TMEM237: variants seen among roughly 807,000 people sequenced by gnomAD.
TMEM237 encodes amyotrophic lateral sclerosis 2 (juvenile) chromosome region, candidate 4.
Under a neutral mutation model 59.1 loss-of-function variants are expected in TMEM237, and 51 were observed. The observed-to-expected ratio is 0.86, with a 90% CI of 0.69 to 1.09. TMEM237 has a LOEUF of 1.09. Among genes scored for constraint, TMEM237 ranks in the 50% least tolerant of loss-of-function variants. The pLI is 0.00. For missense variants in TMEM237, 475 were observed against 478.3 expected (o/e 0.99, Z 0.06); for synonymous variants, 140 against 166.1 (o/e 0.84, Z 1.21).
At chr2:201,641,332 A>C (rs1038082482) in intron 1 of TMEM237, among the ~76,000 whole-genome samples, 2 of 152,180 alleles carry the variant, frequency 1.3e-5, no homozygotes, top group Non-Finnish European at 2.9e-5. Context: ...GACATGACAG[A>C]AAAATATAAT....
In TMEM237 at chr2:201,624,235, C is replaced by T. The variant is rs1326575473; in HGVS notation, c.*20G>A. On this transcript the variant is annotated 3_prime_UTR_variant, in exon 13 of 13. Transcript: ENST00000409883. ...ATGGGACAAATACTGGGTCATTATT[C>T]CTCCAAAGGTGAGCTGGTATTATGA... The T allele has an allele frequency of 6.3e-7, 1 of 1,598,248 alleles. No individual in the cohort carries two copies. Among genetic ancestry groups the T allele is most frequent in the Non-Finnish European group, 8.6e-7 (1 of 1,168,004 alleles).
In TMEM237 at chr2:201,633,421, A is replaced by C. The variant is rs1366520278; in HGVS notation, c.285T>G (p.Thr95=). 1.3e-6 allele frequency: 2 copies of C among 1,549,778 alleles called. No individual in the cohort carries two copies. Among genetic ancestry groups the C allele is most frequent in the African/African-American group, 1.4e-5 (1 of 72,946 alleles). The change falls in exon 6 of 13, where the codon ACT becomes ACG. Residue 95 remains threonine, a synonymous_variant. Coordinates refer to ENST00000409883, the MANE Select transcript of TMEM237 (RefSeq NM_001044385.3). ...TAGATGACTTCTTTTGGGTGGAGGA[A>C]GTCTCCAATTCTGAAAACAAAATAA... ...KKTRLPLELE[T]SSTQKKSSSS...
Position 201,643,275 on chromosome 2 carries a change from C to A in TMEM237, c.42+84G>T. Reference sequence around the variant, plus strand: ...CTTAGTGATTCCCAGCTCGTTGGCGCCCCCCCACACACACCCACCCCCACT... The same window carrying A: ...CTTAGTGATTCCCAGCTCGTTGGCGACCCCCCACACACACCCACCCCCACT... On this transcript the variant is annotated intron_variant, in intron 1 of 12. Transcript: ENST00000409883. This position sits in a 1 kb window ranked among gnomAD's most constrained non-coding sequence, Gnocchi z 4.3. 1 of 993,830 alleles carries A rather than the reference C, an allele frequency of 1.0e-6. No individual in the cohort carries two copies. Among genetic ancestry groups the A allele is most frequent in the African/African-American group, 1.6e-5 (1 of 61,744 alleles). 61.6% of individuals were successfully genotyped at this position (993,830 alleles called of 1,614,324 possible).
In TMEM237 at chr2:201,636,569, TGTAAA is replaced by T. The variant is rs539421054; in HGVS notation, c.274+174_274+178del. ...TATACATATATGATCAAAAGAGACC[TGTAAA>T]GTATTCTTGGCTTAAGCCATTGGAG... is the stretch of plus-strand genomic sequence containing the variant. On this transcript the variant is annotated intron_variant, in intron 5 of 12. Transcript: ENST00000409883. 37 of 654,234 alleles carry T rather than the reference TGTAAA, an allele frequency of 5.7e-5. No individual in the cohort carries two copies. The African/African-American group carries it at 6.4e-4, about 11-fold the overall frequency. The allele number at this position is 654,234 out of a possible 1,614,324, so 40.5% of individuals were successfully genotyped here.
At chr2:201,638,896 C>T in intron 4 of TMEM237, 93 bp downstream of exon 4, 1 of 1,227,918 alleles carries the variant, frequency 8.1e-7, no homozygotes, top group African/African-American at 1.5e-5. Context: ...TTCGGGGCTG[C>T]TGGGGCCTTA....
rs370408283 is a variant in TMEM237 at position 201,640,996 on chromosome 2, AT to A, written c.43-73del. The stretch of plus-strand genomic sequence containing the variant: ...TCTTTACTTCAAATACCATCACGCT[AT>A]TTTTTTTTTTTTGAGATGGTGTATT... On this transcript the variant is annotated intron_variant, in intron 1 of 12. Coordinates refer to ENST00000409883, the MANE Select transcript of TMEM237 (RefSeq NM_001044385.3). The A allele has an allele frequency of 0.11, 105,521 of 1,001,414 alleles. 121 individuals carry two copies. Among genetic ancestry groups the A allele is most frequent in the East Asian group, 0.15 (4,419 of 28,510 alleles). 62.0% of individuals were successfully genotyped at this position (1,001,414 alleles called of 1,614,324 possible).
intron 4 of TMEM237, among the ~76,000 whole-genome samples, chr2:201,638,004 C>T (rs1003998045): frequency 6.6e-6 from 1 of 152,158 alleles, no homozygotes; most frequent in Non-Finnish European, 1.5e-5. Flanking sequence ...ATGCACACAT[C>T]CTGCACCTAG....
In TMEM237 at chr2:201,638,963, C is replaced by T. The variant is rs201845468; in HGVS notation, c.136+26G>A. The T allele has an allele frequency of 3.6e-4, 559 of 1,565,080 alleles. 1 individual carries two copies. The highest frequency in any genetic ancestry group is 3.0e-4 in the Non-Finnish European group (348 of 1,154,142). On this transcript the variant is annotated intron_variant, in intron 4 of 12. Coordinates refer to ENST00000409883, the MANE Select transcript of TMEM237 (RefSeq NM_001044385.3). ...TGAGGTCCTGGGAAAACTTGTGATC[C>T]CACACAACAAAGAATAACGTCTTAC... is the stretch of plus-strand genomic sequence containing the variant.
intron 6 of TMEM237, among the ~76,000 whole-genome samples, chr2:201,632,847 T>C (rs1687200295): frequency 6.6e-6 from 1 of 152,198 alleles, no homozygotes; most frequent in South Asian, 2.1e-4. Flanking sequence ...ATACAAATAA[T>C]AGTGCTATAT....
intron 12 of TMEM237, among the ~76,000 whole-genome samples, chr2:201,625,214 T>C (rs1957747276): frequency 6.6e-6 from 1 of 151,616 alleles, no homozygotes. Context: ...TACAAAAAAT[T>C]AGCCGGGCGT....
intron 10 of TMEM237, 124 bp downstream of exon 10, chr2:201,627,952 C>CATCT: frequency 3.7e-6 from 2 of 546,354 alleles, no homozygotes; most frequent in Non-Finnish European, 6.3e-6. Flanking sequence ...ATTCACTGAA[C>CATCT]ATCTATAGGT....
At chr2:201,642,564 G>A in intron 1 of TMEM237, 1 of 1,595,656 alleles carries the variant, frequency 6.3e-7, no homozygotes, top group Middle Eastern at 1.7e-4. Flanking sequence ...CGGCTCAACT[G>A]AAGACAAAAA....
intron 1 of TMEM237, chr2:201,642,894 C>A: frequency 7.5e-7 from 1 of 1,340,632 alleles, no homozygotes; most frequent in South Asian, 1.9e-5. Flanking sequence ...GCGCTGCAAT[C>A]ACAGCTTTCC....
intron 5 of TMEM237, chr2:201,634,898 A>G (rs1047155588): frequency 2.2e-6 from 1 of 450,880 alleles, no homozygotes; most frequent in Non-Finnish European, 4.6e-6. Context: ...CGTTTTCTAG[A>G]AGGACAAGTA....
At chr2:201,638,833 A>G in intron 4 of TMEM237, 156 bp downstream of exon 4, 1 of 726,634 alleles carries the variant, frequency 1.4e-6, no homozygotes, top group Non-Finnish European at 2.3e-6. Flanking sequence ...CACCACCACC[A>G]GGAATTCCAC....
intron 4 of TMEM237, among the ~76,000 whole-genome samples, chr2:201,637,239 TTA>T (rs1687314951): frequency 6.6e-6 from 1 of 152,228 alleles, no homozygotes; most frequent in Admixed American, 6.5e-5. Flanking sequence ...GCCTCTTGCC[TTA>T]AGAATTTTCA....
chr2:201,643,459 C>T lies in TMEM237; in HGVS notation c.-59G>A, dbSNP rs886055449. 13 of 1,386,278 alleles carry T rather than the reference C, an allele frequency of 9.4e-6. No homozygotes were observed. Among genetic ancestry groups the T allele is most frequent in the African/African-American group, 6.0e-5 (4 of 66,200 alleles). The allele number at this position is 1,386,278 out of a possible 1,614,324, so 85.9% of individuals were successfully genotyped here. On this transcript the variant is annotated 5_prime_UTR_variant, in exon 1 of 13. Coordinates refer to ENST00000409883, the MANE Select transcript of TMEM237 (RefSeq NM_001044385.3). The surrounding 1 kb of genome is among the most constrained non-coding windows in gnomAD (Gnocchi z 4.3). ...CGCCGGCGGCCCGAGCCCAGCTCCC[C>T]GCGACGCAGCGGCCTCCGGGACCTG... is the stretch of plus-strand genomic sequence containing the variant.
intron 11 of TMEM237, 121 bp from the exon 12 acceptor site, chr2:201,626,268 T>A (rs1484139590): frequency 3.7e-6 from 4 of 1,078,228 alleles, no homozygotes; most frequent in Non-Finnish European, 5.2e-6. Context: ...ACAAGTAAAG[T>A]GTGAAAGAAA....
Position 201,629,282 on chromosome 2 carries a change from G to A in TMEM237, c.817C>T (p.Gln273Ter). ...QQYKTLAYPF[Q>*]SLLYLLLALS... ...GCCAAAAGCAAGTACAGAAGACTCT[G>A]GAATGGATACGCTAGGGTCTTGTAT... The change falls in exon 9 of 13, where the codon CAG becomes TAG. Residue 273 changes from glutamine (Q) to a stop codon, truncating the protein, a stop_gained. Transcript: ENST00000409883. LOFTEE classifies it high-confidence loss of function. The A allele has an allele frequency of 1.9e-6, 3 of 1,601,214 alleles. No individual in the cohort carries two copies. Among genetic ancestry groups the A allele is most frequent in the Non-Finnish European group, 2.5e-6 (3 of 1,176,704 alleles).
Sources: allele counts gnomAD v4.1 joint callset (sites outside exome capture counted in the v4.1 genomes callset), GRCh38; gene constraint gnomAD v4.1.1; non-coding constraint Gnocchi (gnomAD v3.1); transcripts MANE v1.5; gene names NCBI Gene and HGNC (gene_info 2026-07-23, HGNC 2026-07-21).